RELN: variants seen among roughly 807,000 people sequenced by gnomAD.
The protein encoded by RELN is reelin.
A neutral mutation model predicts 427.6 loss-of-function variants in RELN; 108 were observed. The ratio of observed to expected loss-of-function variants is 0.25; its 90% CI spans 0.22 to 0.30. The LOEUF (loss-of-function observed/expected upper bound fraction) is 0.30, where lower values mean the gene tolerates loss of function less well. RELN is among the 10% of genes least tolerant of loss of function. The pLI is 1.00. For missense variants in RELN, 3,715 were observed against 4,302.8 expected, an observed-to-expected ratio of 0.86 and a Z score of 3.82; for synonymous variants, 1,524 against 1,513.4, an observed-to-expected ratio of 1.01 and a Z score of -0.16.
At chr7:103,610,465 C>T (rs555278907) in intron 22 of RELN, among the ~76,000 whole-genome samples, 25 of 152,248 alleles carry the variant, frequency 1.6e-4, no homozygotes, top group Middle Eastern at 3.4e-3. Context: ...AAGGCTAGGA[C>T]AGTTTGGAAA....
At chr7:103,839,454 A>G (rs1793499405) in intron 2 of RELN, among the ~76,000 whole-genome samples, 1 of 152,112 alleles carries the variant, frequency 6.6e-6, no homozygotes, top group Admixed American at 6.5e-5. Flanking sequence ...GAAGAAAATT[A>G]TTTACAGAAT....
intron 25 of RELN, 65 bp downstream of exon 25, chr7:103,596,391 T>C (rs1222158120): frequency 3.6e-6 from 5 of 1,404,332 alleles, no homozygotes; most frequent in Non-Finnish European, 5.0e-6. Context: ...TGGAAACACA[T>C]CAACAATGAT....
intron 1 of RELN, among the ~76,000 whole-genome samples, chr7:103,926,475 C>T (rs1795738965): frequency 1.3e-5 from 2 of 152,140 alleles, no homozygotes; most frequent in Admixed American, 6.5e-5. Context: ...CAACTTTATG[C>T]TTGTGCAAGA....
At chr7:103,724,411 GA>G (rs1348784125) in intron 7 of RELN, among the ~76,000 whole-genome samples, 5 of 152,150 alleles carry the variant, frequency 3.3e-5, no homozygotes, top group African/African-American at 1.2e-4. Context: ...TAAAAGATCA[GA>G]TACATGTGAA....
At chr7:103,685,464 A>AT (rs1833747014) in intron 10 of RELN, among the ~76,000 whole-genome samples, 2 of 152,118 alleles carry the variant, frequency 1.3e-5, no homozygotes, top group South Asian at 4.1e-4. Context: ...TCTAAATCAC[A>AT]TGTGATTTCC....
At chr7:103,985,706 A>C (rs1439840322) in intron 1 of RELN, among the ~76,000 whole-genome samples, 1 of 152,184 alleles carries the variant, frequency 6.6e-6, no homozygotes, top group East Asian at 1.9e-4. Flanking sequence ...ATTCACCATA[A>C]ATTGATTGGG....
At chr7:103,604,878 G>A (rs1468272536) in intron 22 of RELN, among the ~76,000 whole-genome samples, 1 of 145,708 alleles carries the variant, frequency 6.9e-6, no homozygotes, top group Non-Finnish European at 1.5e-5. Flanking sequence ...TGCCCAGGCT[G>A]GATTGCAATG....
chr7:103,528,919 C>T (rs992684590), intron 46 of RELN, among the ~76,000 whole-genome samples: 9 of 151,136 alleles, frequency 6.0e-5, no homozygotes, highest in Non-Finnish European at 1.2e-4. Flanking sequence ...GGGTGGATCA[C>T]GAGGTCCAGA....
Position 103,989,485 on chromosome 7 carries a change from G to C in RELN, c.-129C>G. 2.5e-6 allele frequency: 2 copies of C among 810,730 alleles called. No homozygotes were observed. Among genetic ancestry groups the C allele is most frequent in the Admixed American group, 4.0e-5 (1 of 24,820 alleles). The allele number at this position is 810,730 out of a possible 1,614,324, so 50.2% of individuals were successfully genotyped here. On this transcript the variant is annotated 5_prime_UTR_variant, in exon 1 of 65. Transcript: ENST00000428762. This position sits in a 1 kb window ranked among gnomAD's most constrained non-coding sequence, Gnocchi z 4.9. ...AGGCGGACGGGAGCGGAACGGGCTC[G>C]GGAGCGGGCCTGGGAGCGGGCCCCC...
chr7:103,960,773 C>T (rs1224014837), intron 1 of RELN, among the ~76,000 whole-genome samples: 1 of 152,180 alleles, frequency 6.6e-6, no homozygotes, highest in Non-Finnish European at 1.5e-5. Context: ...TGTGAATAAC[C>T]AAACTCTCCG....
chr7:103,690,472 C>CAGCT lies in RELN; in HGVS notation c.1143+7377_1143+7380dup, dbSNP rs1225832677. On this transcript the variant is annotated intron_variant, in intron 10 of 64. Coordinates refer to ENST00000428762, the MANE Select transcript of RELN (RefSeq NM_005045.4). ...GACAGAGGCCCTGCCATGGCAGGAA[C>CAGCT]AGCTATTCTAGTAACTGCAGATGAT... Among the ~76,000 whole-genome samples the CAGCT allele has an allele frequency of 6.6e-5, 10 of 152,232 alleles. 1 individual carries two copies. Among genetic ancestry groups the CAGCT allele is most frequent in the Admixed American group, 2.6e-4 (4 of 15,288 alleles).
At chr7:103,886,953 A>C (rs556052401) in intron 2 of RELN, among the ~76,000 whole-genome samples, 3 of 152,340 alleles carry the variant, frequency 2.0e-5, no homozygotes, top group Admixed American at 6.5e-5. Context: ...TATACAAATA[A>C]AACTATGAAA....
In RELN at chr7:103,711,771, C is replaced by T. The variant is rs3819451; in HGVS notation, c.806-10765G>A. Among the ~76,000 whole-genome samples, 130 of 152,264 alleles carry T rather than the reference C, an allele frequency of 8.5e-4. 2 individuals carry two copies. In the East Asian group the frequency reaches 0.024, roughly 28 times the overall value. The stretch of plus-strand genomic sequence containing the variant: ...TCCTGGGCTCAAGGAATCCTCTCGC[C>T]TCAGCCTCCCAAGTAGCTGGGATTG... On this transcript the variant is annotated intron_variant, in intron 8 of 64. Transcript: ENST00000428762.
At chr7:103,946,118 G>T (rs150407266) in intron 1 of RELN, among the ~76,000 whole-genome samples, 240 of 152,296 alleles carry the variant, frequency 1.6e-3, no homozygotes, top group African/African-American at 5.4e-3. Context: ...GCCTTGTTCA[G>T]TGCTACTGTT....
At chr7:103,607,942 C>A (rs150182386) in intron 22 of RELN, among the ~76,000 whole-genome samples, 2 of 152,296 alleles carry the variant, frequency 1.3e-5, no homozygotes, top group African/African-American at 4.8e-5. Context: ...TGTTCATACA[C>A]AATGTAATTT....
rs1828695373 is a variant in RELN at position 103,492,160 on chromosome 7, G to C, written c.9370-134C>G. 1.8e-5 allele frequency: 13 copies of C among 726,952 alleles called. No individual in the cohort carries two copies. In the South Asian group the frequency reaches 2.0e-4, roughly 11 times the overall value. The allele number at this position is 726,952 out of a possible 1,614,324, so 45.0% of individuals were successfully genotyped here. On this transcript the variant is annotated intron_variant, in intron 57 of 64. Coordinates refer to ENST00000428762, the MANE Select transcript of RELN (RefSeq NM_005045.4). ...AAGCTTTTATAGAGCAGCCTGCTGG[G>C]ATACCAAGAATACATTCTTTTGGAT...
intron 54 of RELN, 34 bp from the exon 55 acceptor site, chr7:103,497,960 T>C: frequency 6.2e-7 from 1 of 1,608,208 alleles, no homozygotes; most frequent in Non-Finnish European, 8.5e-7. Flanking sequence ...ATCAGAATAA[T>C]TCATTAGAAC....
At position 103,569,107 on chromosome 7, in the gene RELN, C is replaced by T. The variant is rs1372606708; in HGVS notation, c.4589-2348G>A. Among the ~76,000 whole-genome samples the T allele has an allele frequency of 6.6e-6, 1 of 152,184 alleles. No homozygotes were observed. The highest frequency in any genetic ancestry group is 2.4e-5 in the African/African-American group (1 of 41,452). Reference sequence around the variant, plus strand: ...TAACTTTGGAAACAGTCATAAAAGGCATTGTCGTTTATTCCTTGCTCCCTC... The same window carrying T: ...TAACTTTGGAAACAGTCATAAAAGGTATTGTCGTTTATTCCTTGCTCCCTC... On this transcript the variant is annotated intron_variant, in intron 31 of 64. Coordinates refer to ENST00000428762, the MANE Select transcript of RELN (RefSeq NM_005045.4). This position sits in a 1 kb window ranked among gnomAD's most constrained non-coding sequence, Gnocchi z 4.0.
At position 103,603,239 on chromosome 7, in the gene RELN, G is replaced by T; in HGVS notation, c.3333+65C>A. Reference sequence around the variant, plus strand: ...AGAACCACTTCATATTTGTACATTTGGAATTCAGAGTCTCATATTAAACTA... The same window carrying T: ...AGAACCACTTCATATTTGTACATTTTGAATTCAGAGTCTCATATTAAACTA... On this transcript the variant is annotated intron_variant, in intron 24 of 64. Coordinates refer to ENST00000428762, the MANE Select transcript of RELN (RefSeq NM_005045.4). The surrounding 1 kb of genome is among the most constrained non-coding windows in gnomAD (Gnocchi z 4.3). 1.6e-6 allele frequency: 2 copies of T among 1,284,926 alleles called. No individual in the cohort carries two copies. The highest frequency in any genetic ancestry group is 1.2e-5 in the South Asian group (1 of 84,052). 79.6% of individuals were successfully genotyped at this position (1,284,926 alleles called of 1,614,324 possible). A position where few individuals can be genotyped will look rare whatever the true frequency, so the allele number is the denominator to read the frequency against.
Sources: gnomAD v4.1 joint callset for allele counts (sites outside exome capture counted in the v4.1 genomes callset) on GRCh38, gnomAD v4.1.1 for gene constraint, Gnocchi (gnomAD v3.1) non-coding constraint, MANE v1.5 for transcripts, NCBI Gene and HGNC (gene_info 2026-07-23, HGNC 2026-07-21) for gene names.